Variants in TENM3 observed in about 807,000 individuals in gnomAD.
TENM3 encodes the protein teneurin transmembrane protein 3, also known as teneurin-3.
A neutral mutation model predicts 255.1 loss-of-function variants in TENM3; 63 were observed. That is an observed-to-expected ratio of 0.25 (90% confidence interval 0.20 to 0.30). The LOEUF is 0.30. Ranked by LOEUF, TENM3 falls within the 10% of genes least tolerant of loss-of-function variation. The pLI is 1.00. For missense variants in TENM3, 2,929 were observed against 3,461.1 expected, an observed-to-expected ratio of 0.85 and a Z score of 3.86; for synonymous variants, 1,306 against 1,322.3, an observed-to-expected ratio of 0.99 and a Z score of 0.27.
At chr4:182,199,687 T>C (rs1473313327) in intron 1 of TENM3, among the ~76,000 whole-genome samples, 1 of 151,536 alleles carries the variant, frequency 6.6e-6, no homozygotes, top group African/African-American at 2.4e-5. Context: ...TATAGATACA[T>C]GTAACCATAG....
chr4:181,709,476 G>T, the TENM3 span, among the ~76,000 whole-genome samples: 1 of 152,252 alleles, frequency 6.6e-6, no homozygotes, highest in Non-Finnish European at 1.5e-5. Flanking sequence ...TCACTACTGG[G>T]AATGCCTCTA....
In TENM3 at chr4:182,793,896, T is replaced by C. The variant is rs764417886; in HGVS notation, c.7213+11T>C. ...AAGATTACATCACAGGTAAGCATTTTGATTCCTTCCCAAGAGCTGGAGGAC... is the reference window on the plus strand; with the variant it reads ...AAGATTACATCACAGGTAAGCATTTCGATTCCTTCCCAAGAGCTGGAGGAC... On this transcript the variant is annotated intron_variant, in intron 26 of 27. Coordinates refer to ENST00000511685, the MANE Select transcript of TENM3 (RefSeq NM_001080477.4). This position sits in a 1 kb window ranked among gnomAD's most constrained non-coding sequence, Gnocchi z 5.7. The C allele has an allele frequency of 4.4e-6, 7 of 1,583,632 alleles. No individual in the cohort carries two copies. The Admixed American group carries it at 7.2e-5, about 16-fold the overall frequency.
intron 1 of TENM3, among the ~76,000 whole-genome samples, chr4:182,295,337 G>A (rs368924956): frequency 8.4e-4 from 116 of 137,412 alleles, no homozygotes; most frequent in African/African-American, 3.1e-3. Context: ...ATGCGATCTC[G>A]GCTCACTGCA....
the TENM3 span, among the ~76,000 whole-genome samples, chr4:182,112,057 A>G: frequency 6.6e-6 from 1 of 152,188 alleles, no homozygotes; most frequent in Non-Finnish European, 1.5e-5. Flanking sequence ...TAGGAAACCA[A>G]GGCCGGAGGA....
chr4:181,532,778 T>C, the TENM3 span, among the ~76,000 whole-genome samples: 2 of 152,158 alleles, frequency 1.3e-5, no homozygotes, highest in Non-Finnish European at 2.9e-5. Context: ...TAAATGGCTA[T>C]ATAGTTTTTT....
chr4:182,030,076 GT>G, the TENM3 span, among the ~76,000 whole-genome samples: 2 of 138,024 alleles, frequency 1.4e-5, no homozygotes, highest in East Asian at 4.3e-4. Flanking sequence ...TGTTGTTGTT[GT>G]TGTATTTTAC....
chr4:182,576,010 A>G (rs538547896), intron 3 of TENM3, among the ~76,000 whole-genome samples: 41 of 152,366 alleles, frequency 2.7e-4, no homozygotes, highest in African/African-American at 9.9e-4. Context: ...GGGATTAAGC[A>G]TGACCTTATG....
intron 1 of TENM3, among the ~76,000 whole-genome samples, chr4:182,290,565 C>T (rs998913258): frequency 6.6e-6 from 1 of 151,694 alleles, no homozygotes; most frequent in African/African-American, 2.4e-5. Flanking sequence ...TGCGGTGGCA[C>T]AATCTCTGCT....
intron 3 of TENM3, among the ~76,000 whole-genome samples, chr4:182,530,585 C>T (rs1560880728): frequency 6.6e-6 from 1 of 152,042 alleles, no homozygotes; most frequent in Non-Finnish European, 1.5e-5. Context: ...TGTTTAGCAC[C>T]ATCTCTGACC....
chr4:182,337,732 G>A lies in TENM3; in HGVS notation c.233-8919G>A, dbSNP rs192951049. 2.4e-3 allele frequency among the ~76,000 whole-genome samples: 363 copies of A among 152,216 alleles called. 3 individuals carry two copies. The highest frequency in any genetic ancestry group is 8.5e-3 in the African/African-American group (354 of 41,516). ...GTTCATAGCAGCTTTATTCATAATA[G>A]GCCCATATTGGAATCACCAAGAGAA... On this transcript the variant is annotated intron_variant, in intron 2 of 27. Coordinates refer to ENST00000511685, the MANE Select transcript of TENM3 (RefSeq NM_001080477.4).
intron 12 of TENM3, among the ~76,000 whole-genome samples, chr4:182,700,878 T>C (rs1757801543): frequency 6.6e-6 from 1 of 152,158 alleles, no homozygotes; most frequent in Non-Finnish European, 1.5e-5. Flanking sequence ...TCAATTTGCA[T>C]CAAAACTATG....
intron 1 of TENM3, among the ~76,000 whole-genome samples, chr4:182,151,765 A>G (rs1041032588): frequency 1.3e-5 from 2 of 152,048 alleles, no homozygotes; most frequent in African/African-American, 2.4e-5. Context: ...TGAATATTTA[A>G]AACTTTAAAA....
intron 22 of TENM3, among the ~76,000 whole-genome samples, chr4:182,765,838 T>G (rs1382840199): frequency 6.6e-6 from 1 of 152,176 alleles, no homozygotes. Flanking sequence ...TTTTACCATT[T>G]CCTTCCAACT....
the TENM3 span, among the ~76,000 whole-genome samples, chr4:181,481,500 G>A: frequency 3.9e-5 from 6 of 152,056 alleles, no homozygotes; most frequent in African/African-American, 9.7e-5. Context: ...GAAGAGGCAC[G>A]GCCATTTGCT....
intron 1 of TENM3, among the ~76,000 whole-genome samples, chr4:182,164,372 G>T (rs1751568395): frequency 6.6e-6 from 1 of 152,120 alleles, no homozygotes; most frequent in African/African-American, 2.4e-5. Flanking sequence ...TCATCACATT[G>T]TCTAGTTAAT....
chr4:182,624,772 A>G (rs1269481163), intron 4 of TENM3, among the ~76,000 whole-genome samples: 1 of 152,208 alleles, frequency 6.6e-6, no homozygotes, highest in East Asian at 1.9e-4. Flanking sequence ...TAAAACTAGA[A>G]TGAGAGGATT....
At chr4:181,953,435 G>C in the TENM3 span, among the ~76,000 whole-genome samples, 1 of 151,968 alleles carries the variant, frequency 6.6e-6, no homozygotes, top group African/African-American at 2.4e-5. Flanking sequence ...ACACACATCA[G>C]CCCACTACCA....
At chr4:182,704,962 T>C (rs1461053017) in intron 12 of TENM3, among the ~76,000 whole-genome samples, 1 of 152,154 alleles carries the variant, frequency 6.6e-6, no homozygotes, top group African/African-American at 2.4e-5. Context: ...GAGAACATAT[T>C]TTAAGGAGTC....
chr4:181,792,418 G>A, the TENM3 span, among the ~76,000 whole-genome samples: 3 of 152,180 alleles, frequency 2.0e-5, no homozygotes, highest in Non-Finnish European at 4.4e-5. Flanking sequence ...CATGAATTAC[G>A]CTTAACTCAA....
Sources: allele counts gnomAD v4.1 joint callset (sites outside exome capture counted in the v4.1 genomes callset), GRCh38; gene constraint gnomAD v4.1.1; non-coding constraint Gnocchi (gnomAD v3.1); transcripts MANE v1.5; gene names NCBI Gene and HGNC (gene_info 2026-07-23, HGNC 2026-07-21).